The following PMS2 variants were observed in gnomAD, a reference collection of about 807,000 sequenced individuals.
The protein encoded by PMS2 is mismatch repair endonuclease PMS2.
Under a neutral mutation model 90.0 loss-of-function variants are expected in PMS2, and 69 were observed. The ratio of observed to expected loss-of-function variants is 0.77; its 90% CI spans 0.63 to 0.94. The LOEUF is 0.94. Ranked by LOEUF, PMS2 falls within the 40% of genes least tolerant of loss-of-function variation. The pLI, the probability that PMS2 is intolerant of heterozygous loss-of-function variation, is 0.00. For synonymous variants in PMS2, 332 were observed against 375.1 expected, an observed-to-expected ratio of 0.89 and a Z score of 1.33; for missense variants, 966 against 1,040.2, an observed-to-expected ratio of 0.93 and a Z score of 0.98.
Position 6,009,006 on chromosome 7 carries a change from T to A in PMS2, c.14A>T (p.Glu5Val), listed in dbSNP as rs876659080. MERA[E>V]SSSTEPAKAI... ...TGCGAGCCCCGCTCACCTCGAGCTC[T>A]CAGCTCGCTCCATGGATGCAACACC... The change falls in exon 1 of 15, where the codon GAG becomes GTG. Residue 5 changes from glutamate (E) to valine (V), a missense_variant. Around this residue, in one of 2 missense-constraint regions of PMS2, gnomAD observed 871 missense variants for 802.4 expected, o/e 1.09. Coordinates refer to ENST00000265849, the MANE Select transcript of PMS2 (RefSeq NM_000535.7). The A allele has an allele frequency of 5.0e-6, 8 of 1,612,464 alleles. No individual in the cohort carries two copies. Among genetic ancestry groups the A allele is most frequent in the Non-Finnish European group, 6.8e-6 (8 of 1,179,840 alleles).
chr7:6,004,190 T>C (rs1785448589), intron 2 of PMS2, 132 bp from the exon 3 acceptor site: 2 of 634,804 alleles, frequency 3.2e-6, no homozygotes, highest in Admixed American at 2.8e-5. Context: ...ACTAGTGTCA[T>C]TTTGTATATT....
intron 7 of PMS2, among the ~76,000 whole-genome samples, chr7:5,996,118 G>A (rs973619318): frequency 1.3e-5 from 2 of 152,132 alleles, no homozygotes; most frequent in Non-Finnish European, 2.9e-5. Context: ...CCACCCCAGG[G>A]ATACCGGCAT....
intron 11 of PMS2, 82 bp downstream of exon 11, chr7:5,986,677 G>T: frequency 8.8e-7 from 1 of 1,137,202 alleles, no homozygotes; most frequent in Non-Finnish European, 1.2e-6. Context: ...GCGCAACAGA[G>T]CAAGACTCTG....
At position 5,991,061 on chromosome 7, in the gene PMS2, G is replaced by A. The variant is rs569363015; in HGVS notation, c.988+912C>T. 1.2e-4 allele frequency among the ~76,000 whole-genome samples: 18 copies of A among 152,066 alleles called. No individual in the cohort carries two copies. In the South Asian group the frequency reaches 3.5e-3, roughly 30 times the overall value. On this transcript the variant is annotated intron_variant, in intron 9 of 14. Transcript: ENST00000265849. ...ATGCAGATAATGATTTAATTATAAG[G>A]AAAGTATTTATAATTTCCAAAAACT...
chr7:5,992,883 C>T (rs1783924916), intron 8 of PMS2, among the ~76,000 whole-genome samples: 2 of 152,136 alleles, frequency 1.3e-5, no homozygotes, highest in South Asian at 4.1e-4. Flanking sequence ...AATGCAAGTG[C>T]AGCTTAAATG....
chr7:5,986,090 C>G (rs1241739450), intron 11 of PMS2, among the ~76,000 whole-genome samples: 1 of 141,774 alleles, frequency 7.1e-6, no homozygotes, highest in Non-Finnish European at 1.6e-5. Flanking sequence ...TCTGAATATG[C>G]CCTGGTTCCC....
rs373951575 is a variant in PMS2 at position 5,990,930 on chromosome 7, G to A, written c.989-975C>T. On this transcript the variant is annotated intron_variant, in intron 9 of 14. Transcript: ENST00000265849. Reference sequence around the variant, plus strand: ...CTCAGGAGGCTGAGGCGGGAGAATCGCTTGAACTCAGGAATCGGAGGTTAC... The same window carrying A: ...CTCAGGAGGCTGAGGCGGGAGAATCACTTGAACTCAGGAATCGGAGGTTAC... Among the ~76,000 whole-genome samples the A allele has an allele frequency of 1.3e-5, 2 of 152,192 alleles. 1 individual carries two copies. Among genetic ancestry groups the A allele is most frequent in the African/African-American group, 4.8e-5 (2 of 41,530 alleles).
In PMS2 at chr7:5,995,558, G is replaced by A. The variant is rs1208421007; in HGVS notation, c.879C>T (p.Asn293=). Reference sequence around the variant, plus strand: ...CCTTTGCTGGGTCACAAGGCCGCCGGTTGATAAAGAAAAACTGTCTGTCTG... The same window carrying A: ...CCTTTGCTGGGTCACAAGGCCGCCGATTGATAAAGAAAAACTGTCTGTCTG... ...SSTDRQFFFI[N]RRPCDPAKVC... The change falls in exon 8 of 15, where the codon AAC becomes AAT. Residue 293 remains asparagine, a synonymous_variant. Transcript: ENST00000265849. 6.2e-7 allele frequency: 1 copy of A among 1,613,642 alleles called. No individual in the cohort carries two copies. The highest frequency in any genetic ancestry group is 1.3e-5 in the African/African-American group (1 of 74,910).
At chr7:5,994,502 G>A (rs906366946) in intron 8 of PMS2, among the ~76,000 whole-genome samples, 1 of 151,996 alleles carries the variant, frequency 6.6e-6, no homozygotes, top group Non-Finnish European at 1.5e-5. Flanking sequence ...TGCTGGGCGC[G>A]GTGGCTCACA....
intron 1 of PMS2, 44 bp downstream of exon 1, chr7:6,008,953 G>C: frequency 6.2e-7 from 1 of 1,611,424 alleles, no homozygotes; most frequent in Non-Finnish European, 8.5e-7. Flanking sequence ...GTCTCAAAGA[G>C]GGCGCGCGAG....
Position 5,997,328 on chromosome 7 carries a change from A to G in PMS2, c.801T>C (p.Phe267=). The G allele has an allele frequency of 2.7e-6, 4 of 1,493,316 alleles. No individual in the cohort carries two copies. Among genetic ancestry groups the G allele is most frequent in the Non-Finnish European group, 3.7e-6 (4 of 1,070,496 alleles). The allele number at this position is 1,493,316 out of a possible 1,614,324, so 92.5% of individuals were successfully genotyped here. A position where few individuals can be genotyped will look rare whatever the true frequency, so the allele number is the denominator to read the frequency against. ...TCTCTTGCCAGCAATCTACTTACTA[A>G]AAAAGATTATGCAGAGCATCGGAAC... ...LSCSDALHNL[F]YISGFISQCT... Residue 267 remains phenylalanine (F), a splice_region_variant and synonymous_variant, in exon 7 of 15, where the codon TTT becomes TTC. Transcript: ENST00000265849.
In PMS2 at chr7:5,982,949, G is replaced by A. The variant is rs752950007; in HGVS notation, c.2049C>T (p.Asn683=). ...TCAGTTTGGTTATTATAAATCCCAG[G>A]TTAAACTGACCAATGATTTCCATTT... ...FAEMEIIGQF[N]LGFIITKLNE... is the part of the protein sequence containing the mutation. The change falls in exon 12 of 15, where the codon AAC becomes AAT. Residue 683 remains asparagine, a synonymous_variant. Transcript: ENST00000265849. The A allele has an allele frequency of 3.7e-5, 58 of 1,584,426 alleles. No homozygotes were observed. The highest frequency in any genetic ancestry group is 4.7e-5 in the Non-Finnish European group (54 of 1,160,854).
chr7:5,994,380 CAAAAA>C (rs1337221074), intron 8 of PMS2, among the ~76,000 whole-genome samples: 1 of 147,856 alleles, frequency 6.8e-6, no homozygotes, highest in East Asian at 2.0e-4. Flanking sequence ...GACTCCATCT[CAAAAA>C]AAAACCCAAA....
intron 8 of PMS2, 125 bp downstream of exon 8, chr7:5,995,409 G>A: frequency 1.4e-6 from 1 of 705,692 alleles, no homozygotes; most frequent in Non-Finnish European, 2.6e-6. Flanking sequence ...CACAAAATAA[G>A]ATAATGTTAA....
At chr7:6,006,170 T>A (rs2128848882) in intron 1 of PMS2, 139 bp from the exon 2 acceptor site, 1 of 965,934 alleles carries the variant, frequency 1.0e-6, no homozygotes, top group Non-Finnish European at 1.6e-6. Flanking sequence ...CAAATACATT[T>A]ATTATATCCA....
In PMS2 at chr7:5,989,897, C is replaced by T. The variant is rs1422380612; in HGVS notation, c.1047G>A (p.Lys349=). 1 of 1,611,874 alleles carries T rather than the reference C, an allele frequency of 6.2e-7. No individual in the cohort carries two copies. Among genetic ancestry groups the T allele is most frequent in the Non-Finnish European group, 8.5e-7 (1 of 1,178,468 alleles). Residue 349 remains lysine, a synonymous_variant, in exon 10 of 15, where the codon AAG becomes AAA. Transcript: ENST00000265849. The part of the protein sequence containing the change: ...DKRQILLQEE[K]LLLAVLKTSL... The stretch of plus-strand genomic sequence containing the variant: ...AGGTCTTTAAAACTGCCAACAAAAG[C>T]TTTTCCTCTTGTAGCAAAATTTGCC...
At chr7:5,986,426 TCA>T in intron 11 of PMS2, among the ~76,000 whole-genome samples, 1 of 149,004 alleles carries the variant, frequency 6.7e-6, no homozygotes, top group East Asian at 2.2e-4. Context: ...GTGTGGTGGC[TCA>T]CACCTGTAAT....
In PMS2 at chr7:5,999,095, C is replaced by T. The variant is rs776790763; in HGVS notation, c.705+13G>A. On this transcript the variant is annotated intron_variant, in intron 6 of 14. Transcript: ENST00000265849. ...GAGCAATAAGAGGCGTTGAAGTAAC[C>T]GGCCATCACTACCTGCTTCTGCCCA... The T allele has an allele frequency of 2.3e-5, 37 of 1,613,014 alleles. No individual in the cohort carries two copies. The highest frequency in any genetic ancestry group is 3.0e-5 in the Non-Finnish European group (35 of 1,179,282).
Position 5,973,248 on chromosome 7 carries a change from A to T in PMS2, c.*151T>A. ...TGCAAGCAATGCTCCATCTGGTTTG[A>T]AAAGGTTCTCAAGATCACTTTTAAA... On this transcript the variant is annotated 3_prime_UTR_variant, in exon 15 of 15. Coordinates refer to ENST00000265849, the MANE Select transcript of PMS2 (RefSeq NM_000535.7). 1.6e-6 allele frequency: 1 copy of T among 639,026 alleles called. No individual in the cohort carries two copies. Among genetic ancestry groups the T allele is most frequent in the Non-Finnish European group, 2.8e-6 (1 of 354,588 alleles). The allele number at this position is 639,026 out of a possible 1,614,324, so 39.6% of individuals were successfully genotyped here.
Sources: allele counts gnomAD v4.1 joint callset (sites outside exome capture counted in the v4.1 genomes callset), GRCh38; gene constraint gnomAD v4.1.1; regional missense constraint gnomAD v4.1.1; transcripts MANE v1.5; gene names NCBI Gene and HGNC (gene_info 2026-07-23, HGNC 2026-07-21).